ITGAM: variants seen among roughly 807,000 people sequenced by gnomAD.
ITGAM encodes integrin alpha-M.
Under a neutral mutation model 137.5 loss-of-function variants are expected in ITGAM, and 79 were observed. The observed-to-expected ratio is 0.57, with a 90% CI of 0.48 to 0.69. The LOEUF (loss-of-function observed/expected upper bound fraction) is 0.69, where lower values mean the gene tolerates loss of function less well. Ranked by LOEUF, ITGAM falls within the 30% of genes least tolerant of loss-of-function variation. The probability of loss-of-function intolerance (pLI) is 0.00; values close to 1 mark genes in which losing one functional copy is unlikely to be tolerated. For missense variants in ITGAM, 1,343 were observed against 1,483.5 expected (o/e 0.91, Z 1.56); for synonymous variants, 583 against 592.3 (o/e 0.98, Z 0.23).
intron 14 of ITGAM, among the ~76,000 whole-genome samples, chr16:31,307,363 A>G (rs2080275759): frequency 6.6e-6 from 1 of 152,166 alleles, no homozygotes; most frequent in Non-Finnish European, 1.5e-5. Context: ...GGTCCTTCAC[A>G]TCCCTTGTAA....
At chr16:31,281,030 G>T (rs1477847205) in intron 12 of ITGAM, among the ~76,000 whole-genome samples, 2 of 152,134 alleles carry the variant, frequency 1.3e-5, no homozygotes, top group African/African-American at 4.8e-5. Context: ...TTATTGATTT[G>T]CATATGTTGA....
intron 2 of ITGAM, among the ~76,000 whole-genome samples, chr16:31,263,928 T>A (rs927922696): frequency 1.3e-5 from 2 of 151,614 alleles, no homozygotes; most frequent in South Asian, 4.2e-4. Context: ...CTCTGCCTCC[T>A]GGGTTCAAGC....
At position 31,324,458 on chromosome 16, in the gene ITGAM, C is replaced by G. The variant is rs745856396; in HGVS notation, c.2062C>G (p.Arg688Gly). 1.5e-5 allele frequency: 23 copies of G among 1,562,670 alleles called. No individual in the cohort carries two copies. The highest frequency in any genetic ancestry group is 1.9e-5 in the Non-Finnish European group (22 of 1,153,924). ...LALDSGRPHS[R>G]AVFNETKNST... ...TCTGGACTCCGGCCGCCCACATTCC[C>G]GCGCCGTCTTCAATGAGACAAAGAA... Residue 688 changes from arginine (R) to glycine (G), a missense_variant, in exon 17 of 30, where the codon CGC becomes GGC. Physicochemically the swap from Arg to Gly is moderately radical, Grantham distance 125. Coordinates refer to ENST00000544665, the MANE Select transcript of ITGAM (RefSeq NM_000632.4). This position sits in a 1 kb window ranked among gnomAD's most constrained non-coding sequence, Gnocchi z 4.5.
chr16:31,325,130 C>T, intron 19 of ITGAM, 99 bp downstream of exon 19: 1 of 1,461,692 alleles, frequency 6.8e-7, no homozygotes, highest in African/African-American at 1.4e-5. Flanking sequence ...TGTTCCTGGG[C>T]TATAAGGTCC....
At chr16:31,330,044 T>C in intron 25 of ITGAM, 37 bp from the exon 26 acceptor site, 1 of 1,603,188 alleles carries the variant, frequency 6.2e-7, no homozygotes, top group East Asian at 2.2e-5. Context: ...CCTGGCGCCT[T>C]CATCTCTGCC....
Position 31,270,949 on chromosome 16 carries a change from C to A in ITGAM, c.428-5C>A. On this transcript the variant is annotated splice_region_variant and splice_polypyrimidine_tract_variant and intron_variant, in intron 5 of 29. Coordinates refer to ENST00000544665, the MANE Select transcript of ITGAM (RefSeq NM_000632.4). Reference sequence around the variant, plus strand: ...CTTGATTCATACTCTTTTCCCCTTCCCCAGGGTGTCCTCAAGAGGATAGTG... The same window carrying A: ...CTTGATTCATACTCTTTTCCCCTTCACCAGGGTGTCCTCAAGAGGATAGTG... 6.7e-7 allele frequency: 1 copy of A among 1,501,482 alleles called. No individual in the cohort carries two copies. Among genetic ancestry groups the A allele is most frequent in the Non-Finnish European group, 9.0e-7 (1 of 1,114,848 alleles). The allele number at this position is 1,501,482 out of a possible 1,614,324, so 93.0% of individuals were successfully genotyped here. A position where few individuals can be genotyped will look rare whatever the true frequency, so the allele number is the denominator to read the frequency against.
At chr16:31,312,811 A>T (rs1329541517) in intron 14 of ITGAM, among the ~76,000 whole-genome samples, 1 of 150,774 alleles carries the variant, frequency 6.6e-6, no homozygotes, top group African/African-American at 2.4e-5. Flanking sequence ...AAGATCGATT[A>T]TAGCCATCTT....
At chr16:31,311,232 T>C (rs897620183) in intron 14 of ITGAM, among the ~76,000 whole-genome samples, 3 of 152,330 alleles carry the variant, frequency 2.0e-5, no homozygotes, top group Non-Finnish European at 4.4e-5. Context: ...GGGCAAGGAC[T>C]TCATGTCTAA....
intron 14 of ITGAM, among the ~76,000 whole-genome samples, chr16:31,320,821 C>T (rs931738040): frequency 6.6e-6 from 1 of 152,098 alleles, no homozygotes; most frequent in African/African-American, 2.4e-5. Context: ...AAATGAAATT[C>T]AGCTGAGCCA....
At chr16:31,276,037 C>T (rs892615118) in intron 9 of ITGAM, among the ~76,000 whole-genome samples, 1 of 152,162 alleles carries the variant, frequency 6.6e-6, no homozygotes, top group African/African-American at 2.4e-5. Context: ...AGAATAGTGC[C>T]TGGTACTCAG....
chr16:31,265,489 C>T lies in ITGAM; in HGVS notation c.229C>T (p.Arg77Cys), dbSNP rs778435275. The stretch of plus-strand genomic sequence containing the variant: ...CAGCACAGGCTCATGCGAGCCCATC[C>T]GCCTGCAGGGTGAGTCACTGCCCCG... ...DYSTGSCEPI[R>C]LQVPVEAVNM... The change falls in exon 3 of 30, where the codon CGC (arginine) becomes TGC (cysteine). Residue 77 changes from arginine to cysteine, a missense_variant. Transcript: ENST00000544665. The T allele has an allele frequency of 3.3e-5, 52 of 1,596,962 alleles. No individual in the cohort carries two copies. Among genetic ancestry groups the T allele is most frequent in the Non-Finnish European group, 4.2e-5 (49 of 1,171,800 alleles).
chr16:31,331,339 GCCTCGGTTTCC>G, intron 29 of ITGAM, 64 bp downstream of exon 29: 1 of 960,444 alleles, frequency 1.0e-6, no homozygotes. Context: ...GCAGCTCCGT[GCCTCGGTTTCC>G]CCGGCGGGGC....
intron 12 of ITGAM, among the ~76,000 whole-genome samples, chr16:31,282,541 C>T (rs2079981461): frequency 6.6e-6 from 1 of 152,044 alleles, no homozygotes; most frequent in Admixed American, 6.6e-5. Context: ...GGATTGCAAC[C>T]CCTGGTTTTT....
intron 14 of ITGAM, among the ~76,000 whole-genome samples, chr16:31,302,408 T>TTTTCTTTCTTTCTTTCTTTC (rs140903387): frequency 7.6e-6 from 1 of 130,876 alleles, no homozygotes; most frequent in African/African-American, 3.2e-5. Flanking sequence ...TTCTTTTCTT[T>TTTTCTTTCTTTCTTTCTTTC]TTTCTTTCTT....
intron 8 of ITGAM, 23 bp from the exon 9 acceptor site, chr16:31,275,526 T>C: frequency 6.2e-7 from 1 of 1,612,720 alleles, no homozygotes. Flanking sequence ...CACCATGATT[T>C]AGCCTCTGTT....
intron 12 of ITGAM, among the ~76,000 whole-genome samples, chr16:31,296,844 A>G (rs1201995955): frequency 1.3e-5 from 2 of 152,250 alleles, no homozygotes; most frequent in Non-Finnish European, 2.9e-5. Context: ...GGTGAATTTT[A>G]TGGATGAATT....
intron 12 of ITGAM, among the ~76,000 whole-genome samples, chr16:31,285,142 T>C (rs893858882): frequency 2.3e-4 from 35 of 152,240 alleles, no homozygotes; most frequent in African/African-American, 7.5e-4. Context: ...GAGGGCTGCA[T>C]GCACCAGTAA....
intron 14 of ITGAM, among the ~76,000 whole-genome samples, chr16:31,320,087 C>T (rs1202306237): frequency 6.6e-6 from 1 of 152,174 alleles, no homozygotes. Flanking sequence ...GCTGGGATTA[C>T]AGGTGTAAGC....
At chr16:31,275,416 C>T (rs2079895635) in intron 8 of ITGAM, 133 bp from the exon 9 acceptor site, 3 of 950,580 alleles carry the variant, frequency 3.2e-6, no homozygotes, top group Non-Finnish European at 4.8e-6. Flanking sequence ...CCTGGCAACC[C>T]TGTCCCAGGG....
Sources: allele counts gnomAD v4.1 joint callset (sites outside exome capture counted in the v4.1 genomes callset), GRCh38; gene constraint gnomAD v4.1.1; non-coding constraint Gnocchi (gnomAD v3.1); transcripts MANE v1.5; gene names NCBI Gene and HGNC (gene_info 2026-07-23, HGNC 2026-07-21).